CES5A: variants seen among roughly 807,000 people sequenced by gnomAD.
CES5A encodes carboxylesterase 5.
A neutral mutation model predicts 62.9 loss-of-function variants in CES5A; 67 were observed. That is an observed-to-expected ratio of 1.07 (90% CI 0.88 to 1.31). The LOEUF is 1.31. Among genes scored for constraint, CES5A ranks in the 50% most tolerant of loss-of-function variants. CES5A has a pLI of 0.00. For synonymous variants in CES5A, 296 were observed against 280.8 expected (o/e 1.05, Z -0.54); for missense variants, 748 against 708.5 (o/e 1.06, Z -0.63).
chr16:55,862,704 G>A (rs1400432232), intron 6 of CES5A, among the ~76,000 whole-genome samples: 1 of 152,212 alleles, frequency 6.6e-6, no homozygotes, highest in African/African-American at 2.4e-5. Context: ...ATACTCAAGA[G>A]ATGGCTGCAC....
upstream of CES5A, among the ~76,000 whole-genome samples, chr16:55,927,723 A>G (rs1017873504): frequency 1.2e-4 from 19 of 152,196 alleles, no homozygotes; most frequent in African/African-American, 3.4e-4. Context: ...GCTTTCTTAA[A>G]GAACTAGAAG....
Position 55,869,670 on chromosome 16 carries a change from G to C in CES5A, c.492C>G (p.Ala164=). 1 of 1,613,160 alleles carries C rather than the reference G, an allele frequency of 6.2e-7. No individual in the cohort carries two copies. The highest frequency in any genetic ancestry group is 8.5e-7 in the Non-Finnish European group (1 of 1,179,574). ...CGACCACAACCAGCACGTCCTCATA[G>C]GCAGCCAGGGCGGACCCATCAAAGA... ...ASIFDGSALA[A]YEDVLVVVVQ... Residue 164 remains alanine (A), a synonymous_variant, in exon 4 of 13, where the codon GCC becomes GCG. Coordinates refer to ENST00000290567, the MANE Select transcript of CES5A (RefSeq NM_001143685.2).
chr16:55,873,931 G>T lies in CES5A; in HGVS notation c.180C>A (p.Val60=), dbSNP rs146515925. The part of the protein sequence containing the change: ...SPVPVNVFLG[V]PFAAPPLGSL... ...ATCCCAGCGGGGGAGCAGCAAAGGGGACTCCGAGGAACACGTTCACAGGCA... is the reference window on the plus strand; with the variant it reads ...ATCCCAGCGGGGGAGCAGCAAAGGGTACTCCGAGGAACACGTTCACAGGCA... Residue 60 remains valine, a synonymous_variant, in exon 2 of 13, where the codon GTC becomes GTA. Coordinates refer to ENST00000290567, the MANE Select transcript of CES5A (RefSeq NM_001143685.2). 580 of 1,613,856 alleles carry T rather than the reference G, an allele frequency of 3.6e-4. 1 individual carries two copies. Among genetic ancestry groups the T allele is most frequent in the Non-Finnish European group, 4.8e-4 (562 of 1,179,982 alleles).
chr16:55,945,393 G>A lies in CES5A; in HGVS notation c.160+4392C>T, dbSNP rs1597161654. ...TGGTCTGTCTGACTCCAGGAGCGCTGCCTTCAGCTGTTCTTACAGAAAGTG... is the reference window on the plus strand; with the variant it reads ...TGGTCTGTCTGACTCCAGGAGCGCTACCTTCAGCTGTTCTTACAGAAAGTG... On this transcript the variant is annotated intron_variant, in intron 2 of 13. Coordinates refer to the CES5A transcript ENST00000521992. Among the ~76,000 whole-genome samples, 5 of 152,356 alleles carry A rather than the reference G, an allele frequency of 3.3e-5. No homozygotes were observed. In the South Asian group the frequency reaches 1.0e-3, roughly 32 times the overall value.
intron 8 of CES5A, among the ~76,000 whole-genome samples, chr16:55,856,987 T>C (rs2033256824): frequency 1.3e-5 from 2 of 152,236 alleles, no homozygotes; most frequent in South Asian, 2.1e-4. Context: ...TATTTTATTA[T>C]GGCAGCACTG....
At chr16:55,866,629 T>C (rs1172832608) in intron 4 of CES5A, among the ~76,000 whole-genome samples, 1 of 141,260 alleles carries the variant, frequency 7.1e-6, no homozygotes, top group Non-Finnish European at 1.5e-5. Flanking sequence ...GAGACCATCC[T>C]GACTAATATA....
At chr16:55,954,268 G>T (rs187152973) in intron 1 of CES5A, among the ~76,000 whole-genome samples, 1 of 152,086 alleles carries the variant, frequency 6.6e-6, no homozygotes, top group Non-Finnish European at 1.5e-5. Context: ...TTGCAGGTTC[G>T]GTATTTCATT....
chr16:55,863,648 G>C (rs1342068590), intron 5 of CES5A, among the ~76,000 whole-genome samples, 196 bp from the exon 6 acceptor site: 4 of 152,130 alleles, frequency 2.6e-5, no homozygotes, highest in African/African-American at 9.7e-5. Flanking sequence ...TGAGCCCCTG[G>C]TTCTTCATGG....
chr16:55,949,458 C>G (rs2034531258), intron 2 of CES5A, among the ~76,000 whole-genome samples: 1 of 152,084 alleles, frequency 6.6e-6, no homozygotes. Context: ...ATATGTCCTT[C>G]ATTCCTAGAA....
intron 1 of CES5A, among the ~76,000 whole-genome samples, chr16:55,880,696 C>G (rs1054687980): frequency 6.6e-6 from 1 of 152,138 alleles, no homozygotes; most frequent in Non-Finnish European, 1.5e-5. Flanking sequence ...TGCACTGAGG[C>G]GTGCATTAAC....
At position 55,872,026 on chromosome 16, in the gene CES5A, C is replaced by G. The variant is rs966978863; in HGVS notation, c.279-263G>C. ...ATTGCACCATTACCCCCACCACCCT[C>G]CCATGCCTACACCACCCTCCTATGC... On this transcript the variant is annotated intron_variant, in intron 2 of 12. Coordinates refer to ENST00000290567, the MANE Select transcript of CES5A (RefSeq NM_001143685.2). Among the ~76,000 whole-genome samples the G allele has an allele frequency of 7.2e-5, 11 of 152,298 alleles. No individual in the cohort carries two copies. The East Asian group carries it at 9.7e-4, about 13-fold the overall frequency.
At chr16:55,945,932 A>C (rs1240996438) in intron 2 of CES5A, among the ~76,000 whole-genome samples, 1 of 152,100 alleles carries the variant, frequency 6.6e-6, no homozygotes, top group African/African-American at 2.4e-5. Context: ...CCTATGCCCC[A>C]GGATTTGACC....
At chr16:55,853,217 G>T (rs189511420) in intron 9 of CES5A, among the ~76,000 whole-genome samples, 189 bp from the exon 10 acceptor site, 2 of 152,196 alleles carry the variant, frequency 1.3e-5, no homozygotes, top group African/African-American at 4.8e-5. Context: ...GCTTAGAGAG[G>T]TGAAGTGGTT....
At chr16:55,881,259 AG>A in intron 1 of CES5A, among the ~76,000 whole-genome samples, 1 of 152,320 alleles carries the variant, frequency 6.6e-6, no homozygotes, top group East Asian at 1.9e-4. Context: ...GCCAGTAACC[AG>A]GGCCAGGCTT....
chr16:55,883,095 C>T (rs781610483), intron 1 of CES5A, among the ~76,000 whole-genome samples: 6 of 152,162 alleles, frequency 3.9e-5, no homozygotes, highest in Non-Finnish European at 5.9e-5. Context: ...TTCACCTGCT[C>T]AAGCAGGGAT....
intron 1 of CES5A, among the ~76,000 whole-genome samples, chr16:55,919,390 T>C (rs542992652): frequency 3.9e-5 from 6 of 152,362 alleles, no homozygotes; most frequent in Admixed American, 2.6e-4. Flanking sequence ...CATTGCCTGC[T>C]GGTTAAAGCC....
chr16:55,944,821 G>C (rs1317932020), intron 2 of CES5A, among the ~76,000 whole-genome samples: 3 of 152,124 alleles, frequency 2.0e-5, no homozygotes, highest in Non-Finnish European at 4.4e-5. Flanking sequence ...TTCTCGTCCT[G>C]CCTTTAAATC....
chr16:55,852,279 T>A (rs1345567152), intron 10 of CES5A, among the ~76,000 whole-genome samples: 6 of 152,230 alleles, frequency 3.9e-5, no homozygotes, highest in Non-Finnish European at 7.3e-5. Flanking sequence ...TATTTGTGAA[T>A]TTTCCAGATT....
chr16:55,889,666 T>A (rs2033854577), intron 1 of CES5A, among the ~76,000 whole-genome samples: 1 of 152,018 alleles, frequency 6.6e-6, no homozygotes, highest in Non-Finnish European at 1.5e-5. Flanking sequence ...GTCCTTTTTT[T>A]TTTTAATGGA....
Sources: gnomAD v4.1 joint callset for allele counts (sites outside exome capture counted in the v4.1 genomes callset) on GRCh38, gnomAD v4.1.1 for gene constraint, MANE v1.5 for transcripts, NCBI Gene and HGNC (gene_info 2026-07-23, HGNC 2026-07-21) for gene names.